The following ALPL variants were observed in gnomAD, a reference collection of about 807,000 sequenced individuals.
ALPL encodes alkaline phosphatase, biomineralization associated.
A neutral mutation model predicts 51.3 loss-of-function variants in ALPL; 42 were observed. That is an observed-to-expected ratio of 0.82 (90% CI 0.64 to 1.06). ALPL has a LOEUF of 1.06. ALPL is among the 50% of genes least tolerant of loss of function. The pLI, the probability that ALPL is intolerant of heterozygous loss-of-function variation, is 0.00. For missense variants in ALPL, 589 were observed against 709.4 expected (o/e 0.83, Z 1.93); for synonymous variants, 279 against 296.4 (o/e 0.94, Z 0.60).
rs12410056 is a variant in ALPL at position 21,575,656 on chromosome 1, G to C, written c.998-77G>C. ...TCCCTAGCTAACAAAGGTTAATCCAGCAGCAGTGTTGTGGGGCTGGGGAGC... is the reference window on the plus strand; with the variant it reads ...TCCCTAGCTAACAAAGGTTAATCCACCAGCAGTGTTGTGGGGCTGGGGAGC... On this transcript the variant is annotated intron_variant, in intron 9 of 11. Transcript: ENST00000374840. 4,586 of 1,555,464 alleles carry C rather than the reference G, an allele frequency of 2.9e-3. 186 individuals carry two copies. In the Admixed American group the frequency reaches 0.072, roughly 24 times the overall value.
intron 1 of ALPL, among the ~76,000 whole-genome samples, chr1:21,537,379 G>C (rs1029004916): frequency 2.0e-5 from 3 of 152,208 alleles, no homozygotes; most frequent in African/African-American, 7.2e-5. Flanking sequence ...ACCCAGGAGG[G>C]AGAGGCCAAC....
chr1:21,556,758 G>A (rs1644419352), intron 2 of ALPL, among the ~76,000 whole-genome samples: 1 of 151,806 alleles, frequency 6.6e-6, no homozygotes, highest in Non-Finnish European at 1.5e-5. Context: ...ATCCAACATG[G>A]CAAAAACTCC....
chr1:21,554,794 TG>T (rs1308772659), intron 2 of ALPL, among the ~76,000 whole-genome samples: 729 of 39,546 alleles, frequency 0.018, 29 homozygotes, highest in African/African-American at 0.086. Flanking sequence ...CTGGCCTGTC[TG>T]TCTGTCTGTC....
chr1:21,537,769 G>C (rs1170332671), intron 1 of ALPL, among the ~76,000 whole-genome samples: 2 of 152,226 alleles, frequency 1.3e-5, no homozygotes, highest in African/African-American at 4.8e-5. Context: ...CTCCCACGTG[G>C]TTGCTTTGTG....
intron 1 of ALPL, among the ~76,000 whole-genome samples, chr1:21,538,568 C>T (rs989377421): frequency 6.6e-6 from 1 of 152,194 alleles, no homozygotes; most frequent in African/African-American, 2.4e-5. Flanking sequence ...AGCCCGGCGC[C>T]TCCTCAGCCT....
chr1:21,521,800 A>G (rs1350839426), intron 1 of ALPL, among the ~76,000 whole-genome samples: 1 of 152,148 alleles, frequency 6.6e-6, no homozygotes, highest in African/African-American at 2.4e-5. Context: ...CATTTTGTTC[A>G]CAGATGTACC....
intron 10 of ALPL, 65 bp downstream of exon 10, chr1:21,575,989 G>A: frequency 6.3e-7 from 1 of 1,590,656 alleles, no homozygotes; most frequent in African/African-American, 1.3e-5. Flanking sequence ...GGGAGCAGGA[G>A]TGGGTGGGAG....
At chr1:21,512,847 C>G (rs867885554) in intron 1 of ALPL, among the ~76,000 whole-genome samples, 5 of 152,168 alleles carry the variant, frequency 3.3e-5, no homozygotes, top group Admixed American at 6.5e-5. Context: ...TTGAATTTGA[C>G]TTCTCAAATT....
chr1:21,565,068 G>A (rs557112797), intron 6 of ALPL, among the ~76,000 whole-genome samples: 1 of 152,214 alleles, frequency 6.6e-6, no homozygotes, highest in South Asian at 2.1e-4. Context: ...CCTGGAATGG[G>A]GATTCGGTGA....
Position 21,575,936 on chromosome 1 carries a change from T to C in ALPL, c.1189+12T>C, listed in dbSNP as rs1238052550. On this transcript the variant is annotated intron_variant, in intron 10 of 11. Coordinates refer to ENST00000374840, the MANE Select transcript of ALPL (RefSeq NM_000478.6). ...CAACTCTATCTTTGGTAGGTGGGCC[T>C]TCTTTGGGGTGGACACTCCTGGGGT... The C allele has an allele frequency of 1.2e-6, 2 of 1,614,172 alleles. No individual in the cohort carries two copies. The highest frequency in any genetic ancestry group is 1.6e-4 in the Middle Eastern group (1 of 6,062).
Position 21,577,499 on chromosome 1 carries a change from G to A in ALPL, c.1426G>A (p.Glu476Lys), listed in dbSNP as rs1057517173. 18 of 1,609,036 alleles carry A rather than the reference G, an allele frequency of 1.1e-5. No homozygotes were observed. The highest frequency in any genetic ancestry group is 2.2e-5 in the East Asian group (1 of 44,870). ...PMAHLLHGVH[E>K]QNYVPHVMAY... The stretch of plus-strand genomic sequence containing the variant: ...GGCGCACCTGCTGCACGGCGTCCAC[G>A]AGCAGAACTACGTCCCCCACGTGAT... Residue 476 changes from glutamate (E) to lysine (K), a missense_variant, in exon 12 of 12, where the codon GAG (glutamate) becomes AAG (lysine). Coordinates refer to ENST00000374840, the MANE Select transcript of ALPL (RefSeq NM_000478.6).
chr1:21,535,036 T>C (rs1398082836), intron 1 of ALPL, among the ~76,000 whole-genome samples: 1 of 152,248 alleles, frequency 6.6e-6, no homozygotes, highest in Non-Finnish European at 1.5e-5. Context: ...GACAGGGATT[T>C]GGGCTGTTAT....
At chr1:21,569,674 A>T (rs1165671272) in intron 7 of ALPL, among the ~76,000 whole-genome samples, 1 of 152,100 alleles carries the variant, frequency 6.6e-6, no homozygotes, top group Non-Finnish European at 1.5e-5. Context: ...TTGCTAAGAG[A>T]AGGCAGGGGG....
intron 5 of ALPL, among the ~76,000 whole-genome samples, chr1:21,563,703 G>T (rs889813312): frequency 6.6e-6 from 1 of 152,168 alleles, no homozygotes; most frequent in Admixed American, 6.5e-5. Context: ...AAACACAGGT[G>T]ACAAGGCCAA....
At chr1:21,513,052 G>A (rs1643722820) in intron 1 of ALPL, among the ~76,000 whole-genome samples, 1 of 151,666 alleles carries the variant, frequency 6.6e-6, no homozygotes, top group Non-Finnish European at 1.5e-5. Context: ...GTGTGGACTC[G>A]CCCTCTCTAT....
chr1:21,528,584 T>C (rs141395502), intron 1 of ALPL, among the ~76,000 whole-genome samples: 2,272 of 151,712 alleles, frequency 0.015, 58 homozygotes, highest in African/African-American at 0.052. Flanking sequence ...ACTCCTGACC[T>C]TGTGATCCAC....
At chr1:21,571,271 A>G (rs1307084714) in intron 8 of ALPL, among the ~76,000 whole-genome samples, 1 of 152,174 alleles carries the variant, frequency 6.6e-6, no homozygotes, top group Non-Finnish European at 1.5e-5. Flanking sequence ...CTCCCATAAA[A>G]TGGAGATAGT....
At chr1:21,540,796 C>G (rs980630877) in intron 1 of ALPL, among the ~76,000 whole-genome samples, 1 of 152,170 alleles carries the variant, frequency 6.6e-6, no homozygotes, top group African/African-American at 2.4e-5. Flanking sequence ...TCGACCCACC[C>G]CCACGGACAC....
chr1:21,561,830 C>A (rs1208197756), intron 4 of ALPL, among the ~76,000 whole-genome samples: 1 of 152,080 alleles, frequency 6.6e-6, no homozygotes, highest in Non-Finnish European at 1.5e-5. Context: ...CCATGCCCAG[C>A]TAATTTTTTT....
Sources: allele counts gnomAD v4.1 joint callset (sites outside exome capture counted in the v4.1 genomes callset), GRCh38; gene constraint gnomAD v4.1.1; transcripts MANE v1.5; gene names NCBI Gene and HGNC (gene_info 2026-07-23, HGNC 2026-07-21).